The following SNTG2 variants were observed in gnomAD, a reference collection of about 807,000 sequenced individuals.
The protein encoded by SNTG2 is syntrophin gamma 2, also known as gamma-2-syntrophin.
A neutral mutation model predicts 70.9 loss-of-function variants in SNTG2; 74 were observed. That is an observed-to-expected ratio of 1.04 (90% CI 0.86 to 1.27). The LOEUF (loss-of-function observed/expected upper bound fraction) is 1.27, where lower values mean the gene tolerates loss of function less well. Among genes scored for constraint, SNTG2 ranks in the 50% most tolerant of loss-of-function variants. SNTG2 has a pLI of 0.00. For missense variants in SNTG2, 717 were observed against 690.7 expected, an observed-to-expected ratio of 1.04 and a Z score of -0.43; for synonymous variants, 278 against 273.8, an observed-to-expected ratio of 1.02 and a Z score of -0.15.
intron 14 of SNTG2, among the ~76,000 whole-genome samples, chr2:1,287,790 C>T (rs1415727523): frequency 1.3e-5 from 2 of 152,330 alleles, no homozygotes; most frequent in South Asian, 2.1e-4. Flanking sequence ...ATGAAAAGGG[C>T]CCAAGCAGCA....
chr2:953,136 C>CA (rs1660032121), intron 1 of SNTG2, among the ~76,000 whole-genome samples: 1 of 152,158 alleles, frequency 6.6e-6, no homozygotes, highest in Non-Finnish European at 1.5e-5. Context: ...TGTTCGGTAA[C>CA]AGACCTGTTT....
intron 1 of SNTG2, among the ~76,000 whole-genome samples, chr2:980,734 T>C (rs1661071161): frequency 6.6e-6 from 1 of 150,876 alleles, no homozygotes; most frequent in Non-Finnish European, 1.5e-5. Context: ...ATATATGTTC[T>C]TTTAAAAAGG....
At chr2:1,216,016 C>T (rs1223793673) in intron 9 of SNTG2, among the ~76,000 whole-genome samples, 9 of 152,250 alleles carry the variant, frequency 5.9e-5, no homozygotes, top group East Asian at 1.9e-4. Context: ...ATTGAACATA[C>T]GTGTGCATGT....
At chr2:1,052,635 C>T (rs1460930343) in intron 1 of SNTG2, among the ~76,000 whole-genome samples, 1 of 152,174 alleles carries the variant, frequency 6.6e-6, no homozygotes, top group African/African-American at 2.4e-5. Flanking sequence ...AATCAGAGGT[C>T]TCTAAAGTGT....
intron 1 of SNTG2, among the ~76,000 whole-genome samples, chr2:1,008,708 A>G (rs1428920540): frequency 6.6e-6 from 1 of 152,246 alleles, no homozygotes. Flanking sequence ...AGAAAAAAAT[A>G]CAGTAATGTA....
chr2:953,645 G>A (rs1380393436), intron 1 of SNTG2, among the ~76,000 whole-genome samples: 1 of 152,188 alleles, frequency 6.6e-6, no homozygotes, highest in Non-Finnish European at 1.5e-5. Context: ...TGACGTCTAT[G>A]ACATCATAAG....
chr2:1,234,127 A>ACGGAGGAAACT (rs1282160674), intron 9 of SNTG2, among the ~76,000 whole-genome samples: 1 of 152,306 alleles, frequency 6.6e-6, no homozygotes, highest in East Asian at 1.9e-4. Context: ...ACTGTGAGCC[A>ACGGAGGAAACT]CGGAGGAAAC....
At chr2:1,351,115 A>C (rs1393216797) in intron 16 of SNTG2, among the ~76,000 whole-genome samples, 2 of 151,698 alleles carry the variant, frequency 1.3e-5, no homozygotes, top group African/African-American at 4.8e-5. Context: ...CAAGCAGAAG[A>C]AAGCAGGCCC....
At chr2:977,529 A>G (rs1313401420) in intron 1 of SNTG2, among the ~76,000 whole-genome samples, 1 of 152,132 alleles carries the variant, frequency 6.6e-6, no homozygotes, top group Non-Finnish European at 1.5e-5. Flanking sequence ...AAGGCACCGT[A>G]TCCTGCACTT....
chr2:1,127,909 A>T (rs34767833), intron 4 of SNTG2, among the ~76,000 whole-genome samples: 1 of 152,148 alleles, frequency 6.6e-6, no homozygotes, highest in Non-Finnish European at 1.5e-5. Context: ...AAAAGGGACA[A>T]TTTGACTTCC....
chr2:1,168,488 G>A (rs1386079123), intron 7 of SNTG2, among the ~76,000 whole-genome samples: 2 of 152,162 alleles, frequency 1.3e-5, no homozygotes, highest in African/African-American at 2.4e-5. Context: ...CCGAAGAAGC[G>A]AGCCACTCCC....
At chr2:1,124,138 CA>C in intron 4 of SNTG2, among the ~76,000 whole-genome samples, 1 of 151,866 alleles carries the variant, frequency 6.6e-6, no homozygotes, top group Non-Finnish European at 1.5e-5. Context: ...ATTATAAAAA[CA>C]TGTGAAGTAT....
At chr2:958,313 A>G (rs530931730) in intron 1 of SNTG2, among the ~76,000 whole-genome samples, 1 of 152,352 alleles carries the variant, frequency 6.6e-6, no homozygotes, top group East Asian at 1.9e-4. Flanking sequence ...GGAGGAATAT[A>G]CAACTGTTTT....
chr2:1,237,841 C>T (rs370065068), intron 9 of SNTG2, 47 bp from the exon 10 acceptor site: 33 of 1,557,626 alleles, frequency 2.1e-5, no homozygotes, highest in Middle Eastern at 1.9e-4. Context: ...GAGGCAGGCC[C>T]GCTCCCGTCG....
chr2:1,360,305 G>A (rs930987274), intron 16 of SNTG2, among the ~76,000 whole-genome samples: 1 of 152,050 alleles, frequency 6.6e-6, no homozygotes, highest in East Asian at 1.9e-4. Flanking sequence ...GAGCTCACCT[G>A]TGCCAGAAAG....
At chr2:1,043,528 C>G in intron 1 of SNTG2, among the ~76,000 whole-genome samples, 1 of 151,994 alleles carries the variant, frequency 6.6e-6, no homozygotes, top group East Asian at 1.9e-4. Context: ...CAAGTTTCTT[C>G]TAGGATTTTT....
At chr2:990,699 A>G (rs192748876) in intron 1 of SNTG2, among the ~76,000 whole-genome samples, 88 of 152,284 alleles carry the variant, frequency 5.8e-4, no homozygotes, top group Non-Finnish European at 1.1e-3. Context: ...TGTCAGTTCT[A>G]TGCATTATCA....
chr2:1,237,137 T>C (rs1313851847), intron 9 of SNTG2, among the ~76,000 whole-genome samples: 1 of 152,002 alleles, frequency 6.6e-6, no homozygotes, highest in African/African-American at 2.4e-5. Context: ...GAGATGGGAC[T>C]TCACCATGTT....
chr2:1,076,013 G>A (rs776243689), intron 1 of SNTG2, among the ~76,000 whole-genome samples: 50 of 152,318 alleles, frequency 3.3e-4, no homozygotes, highest in Middle Eastern at 6.8e-3. Context: ...TAGGCAGCAC[G>A]TGGCAGACGT....
Sources: gnomAD v4.1 joint callset for allele counts (sites outside exome capture counted in the v4.1 genomes callset) on GRCh38, gnomAD v4.1.1 for gene constraint, MANE v1.5 for transcripts, NCBI Gene and HGNC (gene_info 2026-07-23, HGNC 2026-07-21) for gene names.